DGKB: variants seen among roughly 807,000 people sequenced by gnomAD.
The protein encoded by DGKB is diacylglycerol kinase beta, also known as 90 kDa diacylglycerol kinase.
DGKB carries 67 observed loss-of-function variants against 114.3 expected under a neutral mutation model. The observed-to-expected ratio is 0.59, with a 90% CI of 0.48 to 0.72. DGKB has a LOEUF of 0.72. DGKB is among the 30% of genes least tolerant of loss of function. The pLI is 0.00. For synonymous variants in DGKB, 398 were observed against 323.1 expected (o/e 1.23, Z -2.49); for missense variants, 907 against 975.2 (o/e 0.93, Z 0.93).
At position 14,352,810 on chromosome 7, in the gene DGKB, C is replaced by T. The variant is rs554296057; in HGVS notation, c.1836-7419G>A. Reference sequence around the variant, plus strand: ...TGGTGGCGCGTGCCTATAATCCCAGCTACTCGGGAGGCTGAGGCAGGAGAA... The same window carrying T: ...TGGTGGCGCGTGCCTATAATCCCAGTTACTCGGGAGGCTGAGGCAGGAGAA... On this transcript the variant is annotated intron_variant, in intron 21 of 25. Coordinates refer to ENST00000402815, the MANE Select transcript of DGKB (RefSeq NM_001350709.2). 3.9e-5 allele frequency among the ~76,000 whole-genome samples: 6 copies of T among 152,084 alleles called. No individual in the cohort carries two copies. In the East Asian group the frequency reaches 9.7e-4, roughly 24 times the overall value.
At chr7:14,932,631 C>T (rs947036688) in intron 1 of DGKB, among the ~76,000 whole-genome samples, 2 of 152,146 alleles carry the variant, frequency 1.3e-5, no homozygotes, top group Non-Finnish European at 2.9e-5. Context: ...AAAACATAGA[C>T]ATCATGCTAG....
intron 20 of DGKB, among the ~76,000 whole-genome samples, chr7:14,522,927 G>T (rs918784875): frequency 1.3e-5 from 2 of 152,092 alleles, no homozygotes; most frequent in African/African-American, 4.8e-5. Context: ...AAAGCATACG[G>T]AATTGGCCTA....
chr7:14,911,220 G>C (rs1424485547), intron 1 of DGKB, among the ~76,000 whole-genome samples: 1 of 151,674 alleles, frequency 6.6e-6, no homozygotes, highest in African/African-American at 2.4e-5. Context: ...TTAGTTCTTT[G>C]AAAAAAATAA....
chr7:14,472,214 A>AT (rs1781522078), intron 21 of DGKB, among the ~76,000 whole-genome samples: 1 of 152,174 alleles, frequency 6.6e-6, no homozygotes, highest in Non-Finnish European at 1.5e-5. Flanking sequence ...CTCATCTTGA[A>AT]TTTCCACATG....
intron 1 of DGKB, among the ~76,000 whole-genome samples, chr7:14,899,817 T>C (rs181926079): frequency 5.3e-5 from 8 of 152,238 alleles, no homozygotes; most frequent in African/African-American, 7.2e-5. Flanking sequence ...ATCCACAAAA[T>C]AATATGCTCA....
At chr7:14,836,646 C>T (rs984110873) in intron 2 of DGKB, among the ~76,000 whole-genome samples, 2 of 152,152 alleles carry the variant, frequency 1.3e-5, no homozygotes, top group African/African-American at 4.8e-5. Flanking sequence ...GTTTGGATGA[C>T]TTTATATCAA....
chr7:14,649,515 C>T (rs532219241), intron 13 of DGKB, among the ~76,000 whole-genome samples: 1 of 151,996 alleles, frequency 6.6e-6, no homozygotes, highest in South Asian at 2.1e-4. Flanking sequence ...TGGAAAGGAA[C>T]AACCGGTACC....
intron 17 of DGKB, among the ~76,000 whole-genome samples, chr7:14,590,414 G>C (rs1346590885): frequency 6.6e-6 from 1 of 151,960 alleles, no homozygotes; most frequent in Non-Finnish European, 1.5e-5. Flanking sequence ...TAACCATCCA[G>C]TTGACTCACC....
intron 17 of DGKB, among the ~76,000 whole-genome samples, chr7:14,601,919 T>C (rs1250650592): frequency 2.6e-5 from 4 of 152,100 alleles, no homozygotes; most frequent in African/African-American, 9.7e-5. Flanking sequence ...TATGGTCTTC[T>C]TTCTTTCTTC....
intron 6 of DGKB, among the ~76,000 whole-genome samples, chr7:14,717,206 T>A (rs1166341001): frequency 2.6e-5 from 4 of 152,110 alleles, no homozygotes; most frequent in Admixed American, 2.6e-4. Flanking sequence ...GCAATATACA[T>A]CCAGCTGACC....
chr7:14,176,249 G>C, intron 25 of DGKB: 16 of 788,782 alleles, frequency 2.0e-5, no homozygotes, highest in Non-Finnish European at 2.5e-5. Flanking sequence ...GCAGTTCCTA[G>C]CATGTTTTTG....
intron 21 of DGKB, among the ~76,000 whole-genome samples, chr7:14,409,284 A>G (rs1221019896): frequency 6.6e-6 from 1 of 152,126 alleles, no homozygotes; most frequent in Non-Finnish European, 1.5e-5. Context: ...CATCATTCTC[A>G]GTCCTTGTGT....
intron 5 of DGKB, among the ~76,000 whole-genome samples, chr7:14,732,034 C>T (rs1055719877): frequency 6.6e-6 from 1 of 152,134 alleles, no homozygotes; most frequent in Admixed American, 6.5e-5. Flanking sequence ...TGGATCATTA[C>T]ATATTACAGT....
chr7:14,485,096 C>CCACACACA (rs10563734), intron 20 of DGKB, among the ~76,000 whole-genome samples: 2 of 141,506 alleles, frequency 1.4e-5, no homozygotes, highest in Admixed American at 1.4e-4. Context: ...CACACACACA[C>CCACACACA]CACACACACA....
intron 1 of DGKB, among the ~76,000 whole-genome samples, chr7:14,864,422 C>T (rs536529236): frequency 2.0e-4 from 30 of 152,122 alleles, no homozygotes; most frequent in African/African-American, 6.5e-4. Flanking sequence ...CTTTATGTAG[C>T]GTCCACAATA....
chr7:14,754,289 A>G (rs1834548438), intron 3 of DGKB, among the ~76,000 whole-genome samples: 1 of 152,180 alleles, frequency 6.6e-6, no homozygotes, highest in Non-Finnish European at 1.5e-5. Flanking sequence ...CAATCTTTGT[A>G]TATAATAAGC....
intron 1 of DGKB, among the ~76,000 whole-genome samples, chr7:14,879,339 T>C (rs879334732): frequency 6.7e-6 from 1 of 149,598 alleles, no homozygotes; most frequent in Non-Finnish European, 1.5e-5. Flanking sequence ...ATTCAGTAAA[T>C]GAATGCGGTC....
At chr7:14,967,312 T>A (rs369979465) in intron 1 of DGKB, among the ~76,000 whole-genome samples, 1 of 39,134 alleles carries the variant, frequency 2.6e-5, no homozygotes, top group Admixed American at 2.5e-4. Context: ...ACTTGATTTA[T>A]TTTTATTTTT....
chr7:14,716,690 A>G (rs542277007), intron 6 of DGKB, among the ~76,000 whole-genome samples: 3 of 152,278 alleles, frequency 2.0e-5, no homozygotes, highest in East Asian at 3.9e-4. Context: ...TTGTTAAGAA[A>G]GTGGATGAGG....
Sources: gnomAD v4.1 joint callset for allele counts (sites outside exome capture counted in the v4.1 genomes callset) on GRCh38, gnomAD v4.1.1 for gene constraint, MANE v1.5 for transcripts, NCBI Gene and HGNC (gene_info 2026-07-23, HGNC 2026-07-21) for gene names.